TMEM131: variants seen among roughly 807,000 people sequenced by gnomAD.
TMEM131 encodes transmembrane protein 131.
A neutral mutation model predicts 211.6 loss-of-function variants in TMEM131; 66 were observed. That is an observed-to-expected ratio of 0.31 (90% CI 0.26 to 0.38). TMEM131 has a LOEUF of 0.38. TMEM131 is among the 10% of genes least tolerant of loss of function. TMEM131 has a pLI of 1.00. For synonymous variants in TMEM131, 844 were observed against 841.3 expected (o/e 1.00, Z -0.06); for missense variants, 2,036 against 2,299.3 (o/e 0.89, Z 2.34).
intron 31 of TMEM131, among the ~76,000 whole-genome samples, chr2:97,791,801 G>A (rs1428587670): frequency 6.6e-6 from 1 of 152,214 alleles, no homozygotes; most frequent in Non-Finnish European, 1.5e-5. Flanking sequence ...CTCTAAAGCA[G>A]GGTTGGCTTT....
intron 3 of TMEM131, 73 bp from the exon 4 acceptor site, chr2:97,888,193 G>A: frequency 7.8e-7 from 1 of 1,281,652 alleles, no homozygotes; most frequent in East Asian, 2.5e-5. Flanking sequence ...TATTCAGACA[G>A]CTGACTTTTG....
chr2:97,760,723 C>T lies in TMEM131; in HGVS notation c.5012-34G>A, dbSNP rs779348325. Reference sequence around the variant, plus strand: ...ATGGACGTTCAATCAATGGAAGGCACATTAGGACAGAGGTCATTCCACCAG... The same window carrying T: ...ATGGACGTTCAATCAATGGAAGGCATATTAGGACAGAGGTCATTCCACCAG... On this transcript the variant is annotated intron_variant, in intron 37 of 40. Coordinates refer to ENST00000186436, the MANE Select transcript of TMEM131 (RefSeq NM_015348.2). 4 of 1,614,002 alleles carry T rather than the reference C, an allele frequency of 2.5e-6. No individual in the cohort carries two copies. The Admixed American group carries it at 5.0e-5, about 20-fold the overall frequency.
chr2:97,824,753 AATATCCCT>A (rs1294757728), intron 11 of TMEM131, among the ~76,000 whole-genome samples: 1 of 152,228 alleles, frequency 6.6e-6, no homozygotes, highest in African/African-American at 2.4e-5. Flanking sequence ...TATCAAAGGC[AATATCCCT>A]TAAGGCCTGA....
chr2:97,831,664 C>CTTTTTTTTTTTTTT (rs11378393), intron 11 of TMEM131, among the ~76,000 whole-genome samples: 8 of 80,632 alleles, frequency 9.9e-5, no homozygotes, highest in Non-Finnish European at 1.6e-4. Context: ...TCACATACCT[C>CTTTTTTTTTTTTTT]TTTTTTTTTT....
chr2:97,756,876 C>T lies in TMEM131; in HGVS notation c.*223G>A. 4.1e-6 allele frequency: 2 copies of T among 492,634 alleles called. No homozygotes were observed. The highest frequency in any genetic ancestry group is 6.9e-6 in the Non-Finnish European group (2 of 291,942). 30.5% of individuals were successfully genotyped at this position (492,634 alleles called of 1,614,324 possible). A position where few individuals can be genotyped will look rare whatever the true frequency, so the allele number is the denominator to read the frequency against. On this transcript the variant is annotated 3_prime_UTR_variant, in exon 41 of 41. Coordinates refer to ENST00000186436, the MANE Select transcript of TMEM131 (RefSeq NM_015348.2). ...TCTTATTAGAGTTTGTGGCTGAGTC[C>T]AGACTTTTCTCTAAAAGCACAACAG...
intron 25 of TMEM131, among the ~76,000 whole-genome samples, chr2:97,800,487 C>T (rs962819089): frequency 6.6e-6 from 1 of 151,920 alleles, no homozygotes; most frequent in South Asian, 2.1e-4. Context: ...CTGTGGCTCA[C>T]GCCTGTAATC....
At chr2:97,908,911 A>C (rs957845021) in intron 2 of TMEM131, among the ~76,000 whole-genome samples, 1 of 152,184 alleles carries the variant, frequency 6.6e-6, no homozygotes, top group East Asian at 1.9e-4. Context: ...TGGATTTTTA[A>C]AAGTGTGCCA....
chr2:97,906,193 G>T (rs780062934), intron 3 of TMEM131, among the ~76,000 whole-genome samples: 14 of 152,138 alleles, frequency 9.2e-5, no homozygotes, highest in Non-Finnish European at 1.8e-4. Context: ...AGACTTCTGA[G>T]CCTCTAGAAC....
chr2:97,854,211 C>T (rs1170418372), intron 5 of TMEM131, among the ~76,000 whole-genome samples: 5 of 152,154 alleles, frequency 3.3e-5, no homozygotes, highest in Non-Finnish European at 2.9e-5. Flanking sequence ...AAAAAGATGA[C>T]GACTTGCAGA....
In TMEM131 at chr2:97,834,944, A is replaced by ATAATGTAGCACAGCTTTTG; in HGVS notation, c.805-38_805-20dup. The ATAATGTAGCACAGCTTTTG allele has an allele frequency of 6.2e-7, 1 of 1,613,074 alleles. No homozygotes were observed. Among genetic ancestry groups the ATAATGTAGCACAGCTTTTG allele is most frequent in the East Asian group, 2.2e-5 (1 of 44,802 alleles). ...GAATTTCCTGACAAGTTAACAGACC[A>ATAATGTAGCACAGCTTTTG]TAATGTAGCACAGCTTTTGTAATGT... is the stretch of plus-strand genomic sequence containing the variant. On this transcript the variant is annotated intron_variant, in intron 8 of 40. Transcript: ENST00000186436.
intron 1 of TMEM131, among the ~76,000 whole-genome samples, chr2:97,981,378 T>C (rs879578672): frequency 1.2e-4 from 19 of 152,328 alleles, no homozygotes; most frequent in Admixed American, 8.5e-4. Context: ...CCGTAACATA[T>C]ATGTAATTTT....
chr2:97,818,467 G>GC (rs1681943237), intron 12 of TMEM131, 146 bp downstream of exon 12: 1 of 258,292 alleles, frequency 3.9e-6, no homozygotes, highest in African/African-American at 6.7e-5. Flanking sequence ...TTACAGCGGG[G>GC]GGGGGCGGGG....
intron 11 of TMEM131, chr2:97,827,303 G>A (rs568914585): frequency 1.3e-6 from 1 of 785,692 alleles, no homozygotes; most frequent in South Asian, 1.3e-5. Context: ...GAGCCCAAGA[G>A]GAGATCGGCG....
At chr2:97,782,741 CAGGA>C (rs1378167214) in intron 31 of TMEM131, among the ~76,000 whole-genome samples, 3 of 151,492 alleles carry the variant, frequency 2.0e-5, no homozygotes, top group Admixed American at 2.0e-4. Flanking sequence ...ACAGAGGAGA[CAGGA>C]AATAATCAGT....
chr2:97,827,656 A>G (rs950426584), intron 11 of TMEM131: 1 of 918,446 alleles, frequency 1.1e-6, no homozygotes, highest in Non-Finnish European at 1.7e-6. Flanking sequence ...TAGTAGCTCT[A>G]GAAACATTTT....
chr2:97,827,307 A>G, intron 11 of TMEM131: 1 of 786,648 alleles, frequency 1.3e-6, no homozygotes, highest in Non-Finnish European at 2.4e-6. Flanking sequence ...CCAAGAGGAG[A>G]TCGGCGCGGT....
chr2:97,788,047 C>A (rs1291321452), intron 31 of TMEM131, among the ~76,000 whole-genome samples: 1 of 152,188 alleles, frequency 6.6e-6, no homozygotes, highest in Non-Finnish European at 1.5e-5. Context: ...TAATTCGACA[C>A]TGCCAGCACA....
At position 97,835,794 on chromosome 2, in the gene TMEM131, G is replaced by A. The variant is rs1020864889; in HGVS notation, c.805-869C>T. Among the ~76,000 whole-genome samples, 7 of 152,276 alleles carry A rather than the reference G, an allele frequency of 4.6e-5. No individual in the cohort carries two copies. The South Asian group carries it at 1.2e-3, about 27-fold the overall frequency. On this transcript the variant is annotated intron_variant, in intron 8 of 40. Transcript: ENST00000186436. ...TCTCTGGGGTTTTCACCTATACACC[G>A]AAATAGGCTGGAGGTGAGGTCACAG...
chr2:97,860,510 T>C (rs761708760), intron 4 of TMEM131, among the ~76,000 whole-genome samples: 16 of 152,238 alleles, frequency 1.1e-4, no homozygotes, highest in East Asian at 1.9e-4. Flanking sequence ...TCCCAAGCAG[T>C]TGAAAACGCA....
Sources: gnomAD v4.1 joint callset for allele counts (sites outside exome capture counted in the v4.1 genomes callset) on GRCh38, gnomAD v4.1.1 for gene constraint, MANE v1.5 for transcripts, NCBI Gene and HGNC (gene_info 2026-07-23, HGNC 2026-07-21) for gene names.